SGCZ: variants seen among roughly 807,000 people sequenced by gnomAD.
SGCZ encodes the protein sarcoglycan zeta, also known as zeta-sarcoglycan.
SGCZ carries 40 observed loss-of-function variants against 41.3 expected under a neutral mutation model. The observed-to-expected ratio is 0.97, with a 90% CI of 0.75 to 1.26. The LOEUF (loss-of-function observed/expected upper bound fraction) is 1.26. SGCZ is among the 50% of genes most tolerant of loss of function. The pLI is 0.00. For missense variants in SGCZ, 552 were observed against 369.8 expected, an observed-to-expected ratio of 1.49 and a Z score of -4.04; for synonymous variants, 206 against 137.5, an observed-to-expected ratio of 1.50 and a Z score of -3.49.
At chr8:15,225,080 A>C (rs1406075900) in intron 1 of SGCZ, among the ~76,000 whole-genome samples, 1 of 152,298 alleles carries the variant, frequency 6.6e-6, no homozygotes, top group East Asian at 1.9e-4. Context: ...ATAAATAATA[A>C]ACTTAATCTA....
chr8:14,559,078 G>C (rs920730872), intron 1 of SGCZ, among the ~76,000 whole-genome samples: 1 of 152,014 alleles, frequency 6.6e-6, no homozygotes, highest in African/African-American at 2.4e-5. Flanking sequence ...ACAAGATAAG[G>C]ATGTCCCCTC....
intron 1 of SGCZ, among the ~76,000 whole-genome samples, chr8:15,168,168 A>G (rs1799720298): frequency 6.6e-6 from 1 of 152,154 alleles, no homozygotes; most frequent in Admixed American, 6.5e-5. Flanking sequence ...CCCAAGATAC[A>G]TTTTTGTCCA....
intron 1 of SGCZ, among the ~76,000 whole-genome samples, chr8:14,838,545 G>A (rs944277195): frequency 6.6e-6 from 1 of 152,082 alleles, no homozygotes; most frequent in Admixed American, 6.5e-5. Context: ...AGAACCTGTT[G>A]GAATTACTCA....
At chr8:14,151,881 C>CAACAG (rs1324495152) in intron 5 of SGCZ, among the ~76,000 whole-genome samples, 1 of 151,784 alleles carries the variant, frequency 6.6e-6, no homozygotes, top group African/African-American at 2.4e-5. Context: ...ATGGCATACA[C>CAACAG]AACAGAAAAA....
chr8:14,816,669 T>TA (rs1288907649), intron 1 of SGCZ, among the ~76,000 whole-genome samples: 5 of 114,458 alleles, frequency 4.4e-5, no homozygotes, highest in African/African-American at 2.2e-4. Context: ...TTAACCATGT[T>TA]AAAATCACAG....
At chr8:14,289,978 G>A (rs1800783932) in intron 3 of SGCZ, among the ~76,000 whole-genome samples, 1 of 151,864 alleles carries the variant, frequency 6.6e-6, no homozygotes, top group African/African-American at 2.4e-5. Context: ...CGAACCACCA[G>A]ACAGTTTTAA....
chr8:14,992,922 C>T (rs1802072524), intron 1 of SGCZ, among the ~76,000 whole-genome samples: 1 of 150,576 alleles, frequency 6.6e-6, no homozygotes, highest in East Asian at 2.0e-4. Flanking sequence ...AATCTACTCC[C>T]AAAACCAATG....
intron 1 of SGCZ, among the ~76,000 whole-genome samples, chr8:14,624,615 G>C (rs1806394135): frequency 7.4e-6 from 1 of 134,662 alleles, no homozygotes; most frequent in Non-Finnish European, 1.5e-5. Flanking sequence ...CTGTCGCCCA[G>C]GCTGGAGTGC....
At chr8:14,305,318 T>C (rs553950706) in intron 3 of SGCZ, among the ~76,000 whole-genome samples, 2 of 152,270 alleles carry the variant, frequency 1.3e-5, no homozygotes, top group South Asian at 4.1e-4. Flanking sequence ...CATTTTTTGA[T>C]ATGACCACAG....
At chr8:14,998,178 C>A (rs1278469646) in intron 1 of SGCZ, among the ~76,000 whole-genome samples, 1 of 152,134 alleles carries the variant, frequency 6.6e-6, no homozygotes, top group Non-Finnish European at 1.5e-5. Flanking sequence ...AGAGGCACTA[C>A]CTACAAAACG....
chr8:14,121,751 A>G (rs918483086), intron 5 of SGCZ, among the ~76,000 whole-genome samples: 8 of 152,206 alleles, frequency 5.3e-5, no homozygotes, highest in Admixed American at 3.3e-4. Flanking sequence ...TGAGTTCCAG[A>G]TAAGTTTGGT....
intron 1 of SGCZ, among the ~76,000 whole-genome samples, chr8:14,967,421 T>C (rs888719858): frequency 2.0e-5 from 3 of 152,122 alleles, no homozygotes; most frequent in Admixed American, 6.6e-5. Context: ...CTCTACTTTT[T>C]CCTCAGGTGA....
At chr8:14,290,003 G>A (rs528291769) in intron 3 of SGCZ, among the ~76,000 whole-genome samples, 1 of 151,960 alleles carries the variant, frequency 6.6e-6, no homozygotes, top group East Asian at 2.0e-4. Flanking sequence ...CAGATCTTGT[G>A]AGAACTCCAG....
chr8:14,135,298 C>G (rs757478557), intron 5 of SGCZ, among the ~76,000 whole-genome samples: 1 of 152,218 alleles, frequency 6.6e-6, no homozygotes, highest in East Asian at 1.9e-4. Flanking sequence ...CCTTCACTAT[C>G]TCTTCCTTTC....
intron 1 of SGCZ, among the ~76,000 whole-genome samples, chr8:15,234,098 T>C (rs1802047302): frequency 6.6e-6 from 1 of 152,206 alleles, no homozygotes; most frequent in African/African-American, 2.4e-5. Context: ...CAATGTCTCC[T>C]ATGAGTAAAT....
At chr8:14,639,564 A>T (rs1421232190) in intron 1 of SGCZ, among the ~76,000 whole-genome samples, 1 of 151,760 alleles carries the variant, frequency 6.6e-6, no homozygotes, top group African/African-American at 2.4e-5. Flanking sequence ...TTCATAGTTA[A>T]TATAGTCTTG....
chr8:14,907,329 G>C (rs1231269153), intron 1 of SGCZ, among the ~76,000 whole-genome samples: 3 of 151,956 alleles, frequency 2.0e-5, no homozygotes, highest in Non-Finnish European at 2.9e-5. Context: ...TGAGTAGCTG[G>C]GACTACAGGC....
At chr8:15,057,853 A>G (rs1804771012) in intron 1 of SGCZ, among the ~76,000 whole-genome samples, 1 of 152,256 alleles carries the variant, frequency 6.6e-6, no homozygotes, top group Non-Finnish European at 1.5e-5. Flanking sequence ...CTTTCTTATC[A>G]TGTAGTCAAT....
intron 2 of SGCZ, among the ~76,000 whole-genome samples, chr8:14,507,130 A>AAACTGTCTTTTCAATTGATCGGGACAAG (rs2117065324): frequency 7.6e-6 from 1 of 131,022 alleles, no homozygotes; most frequent in Non-Finnish European, 1.6e-5. Flanking sequence ...CCTATCTTCC[A>AAACTGTCTTTTCAATTGATCGGGACAAG]AACTGTATTC....
Sources: allele counts gnomAD v4.1 joint callset (sites outside exome capture counted in the v4.1 genomes callset), GRCh38; gene constraint gnomAD v4.1.1; transcripts MANE v1.5; gene names NCBI Gene and HGNC (gene_info 2026-07-23, HGNC 2026-07-21).